The following SATB2 variants were observed in gnomAD, a reference collection of about 807,000 sequenced individuals.
The protein encoded by SATB2 is DNA-binding protein SATB2.
SATB2 carries 1 observed loss-of-function variant against 73.4 expected under a neutral mutation model. The ratio of observed to expected loss-of-function variants is 0.01; its 90% CI spans 0.00 to 0.06. The LOEUF (loss-of-function observed/expected upper bound fraction) is 0.06. Ranked by LOEUF, SATB2 falls within the 10% of genes least tolerant of loss-of-function variation. SATB2 has a pLI of 1.00. For missense variants in SATB2, 459 were observed against 945.8 expected (o/e 0.49, Z 6.75); for synonymous variants, 397 against 367.0 (o/e 1.08, Z -0.93).
intron 10 of SATB2, among the ~76,000 whole-genome samples, chr2:199,281,982 T>A (rs1037382584): frequency 6.6e-6 from 1 of 151,338 alleles, no homozygotes; most frequent in Non-Finnish European, 1.5e-5. Context: ...CCTGGGTTCA[T>A]GCCATTCTCC....
At chr2:199,339,068 T>C (rs530457394) in intron 7 of SATB2, among the ~76,000 whole-genome samples, 19 of 152,238 alleles carry the variant, frequency 1.2e-4, no homozygotes, top group South Asian at 4.1e-4. Flanking sequence ...GATTTAGAAG[T>C]GAGAGGAGAG....
At chr2:199,467,255 G>A (rs763197397), upstream of SATB2, among the ~76,000 whole-genome samples, 56 of 152,350 alleles carry the variant, frequency 3.7e-4, no homozygotes, top group Middle Eastern at 6.8e-3. Context: ...CTGCGGATTC[G>A]GCTTTCAGGC....
chr2:199,376,347 C>T (rs1229131664), intron 5 of SATB2, among the ~76,000 whole-genome samples: 1 of 152,200 alleles, frequency 6.6e-6, no homozygotes, highest in Non-Finnish European at 1.5e-5. Context: ...ACTTTACATA[C>T]TAATAAAACT....
intron 3 of SATB2, among the ~76,000 whole-genome samples, chr2:199,388,786 A>G (rs1690034126): frequency 6.6e-6 from 1 of 152,170 alleles, no homozygotes. Flanking sequence ...CAGCCTTAGA[A>G]GAACTAAGCC....
chr2:199,384,605 T>A (rs187455726), intron 3 of SATB2, among the ~76,000 whole-genome samples: 1 of 152,248 alleles, frequency 6.6e-6, no homozygotes, highest in Non-Finnish European at 1.5e-5. Context: ...CAAGTGTTAA[T>A]TGAGGAAATC....
intron 3 of SATB2, among the ~76,000 whole-genome samples, chr2:199,400,499 C>T (rs1277087897): frequency 2.6e-5 from 4 of 152,172 alleles, no homozygotes; most frequent in Admixed American, 2.0e-4. Flanking sequence ...TTAATCTTCA[C>T]ATTATTCCTT....
chr2:199,323,476 TACACACAC>T (rs1553546876), intron 9 of SATB2, among the ~76,000 whole-genome samples: 15 of 142,842 alleles, frequency 1.1e-4, no homozygotes, highest in African/African-American at 3.4e-4. Flanking sequence ...GTTTTGTTCA[TACACACAC>T]ACACACACAC....
intron 3 of SATB2, among the ~76,000 whole-genome samples, chr2:199,398,978 G>A (rs1690386502): frequency 6.6e-6 from 1 of 152,140 alleles, no homozygotes; most frequent in Non-Finnish European, 1.5e-5. Context: ...TAAAGATACA[G>A]GTAAGATTTA....
At chr2:199,305,961 A>G (rs569959134) in intron 10 of SATB2, among the ~76,000 whole-genome samples, 4 of 152,294 alleles carry the variant, frequency 2.6e-5, no homozygotes, top group African/African-American at 9.6e-5. Context: ...ACAATTTAAT[A>G]ATGGCACATT....
In SATB2 at chr2:199,269,775, A is replaced by G. The variant is rs1395956046; in HGVS notation, c.*2436T>C. The G allele has an allele frequency of 6.6e-6, 1 of 152,240 alleles. No homozygotes were observed. Among genetic ancestry groups the G allele is most frequent in the Non-Finnish European group, 1.5e-5 (1 of 67,954 alleles). The allele number at this position is 152,240 out of a possible 1,614,324, so 9.4% of individuals were successfully genotyped here. A position where few individuals can be genotyped will look rare whatever the true frequency, so the allele number is the denominator to read the frequency against. On this transcript the variant is annotated 3_prime_UTR_variant, in exon 11 of 11. Coordinates refer to ENST00000417098, the MANE Select transcript of SATB2 (RefSeq NM_001172509.2). ...AAGTTTCTTCTTCCAAATAGATATT[A>G]TATGACAGATATTGAATAAATAGAC... is the stretch of plus-strand genomic sequence containing the variant.
intron 10 of SATB2, among the ~76,000 whole-genome samples, chr2:199,283,266 A>AT (rs1177840717): frequency 1.3e-5 from 1 of 77,056 alleles, no homozygotes; most frequent in East Asian, 4.0e-4. Context: ...TTTTTTTTGT[A>AT]TTTTTTGTAG....
intron 3 of SATB2, among the ~76,000 whole-genome samples, chr2:199,394,290 T>C (rs1454831625): frequency 6.6e-6 from 1 of 151,972 alleles, no homozygotes; most frequent in Non-Finnish European, 1.5e-5. Flanking sequence ...ATGCTGAAAA[T>C]TGGGAGCAAG....
At chr2:199,360,605 A>C (rs1205288803) in intron 6 of SATB2, among the ~76,000 whole-genome samples, 1 of 151,164 alleles carries the variant, frequency 6.6e-6, no homozygotes, top group African/African-American at 2.4e-5. Flanking sequence ...CATCACTATT[A>C]CTCTTTCTTT....
chr2:199,288,979 T>C (rs935731854), intron 10 of SATB2, among the ~76,000 whole-genome samples: 5 of 152,228 alleles, frequency 3.3e-5, no homozygotes, highest in African/African-American at 9.6e-5. Context: ...AGACATAGCC[T>C]TTAGTTTTCA....
intron 6 of SATB2, among the ~76,000 whole-genome samples, chr2:199,351,183 CAG>C (rs1485900668): frequency 2.2e-5 from 3 of 135,880 alleles, no homozygotes; most frequent in Non-Finnish European, 3.1e-5. Context: ...TTTTTTAAGA[CAG>C]AGTTTCACTC....
chr2:199,375,702 T>C (rs1485526685), intron 5 of SATB2, among the ~76,000 whole-genome samples: 1 of 152,236 alleles, frequency 6.6e-6, no homozygotes, highest in Admixed American at 6.5e-5. Context: ...AGGAATCTTT[T>C]ACTCATGAGT....
chr2:199,447,507 C>T (rs1267003593), intron 2 of SATB2, among the ~76,000 whole-genome samples: 1 of 152,162 alleles, frequency 6.6e-6, no homozygotes, highest in Non-Finnish European at 1.5e-5. Context: ...CCCCATCTAA[C>T]CCTTACTTGG....
At chr2:199,349,257 C>T in intron 6 of SATB2, 84 bp from the exon 7 acceptor site, 1 of 1,080,152 alleles carries the variant, frequency 9.3e-7, no homozygotes, top group Non-Finnish European at 1.4e-6. Context: ...AATTATCATA[C>T]TTTTGGCATG....
At chr2:199,395,572 C>CA (rs568530817) in intron 3 of SATB2, among the ~76,000 whole-genome samples, 65 of 148,742 alleles carry the variant, frequency 4.4e-4, no homozygotes, top group African/African-American at 1.1e-3. Context: ...AGTAGACACT[C>CA]AAAAAAAAAT....
Sources: allele counts gnomAD v4.1 joint callset (sites outside exome capture counted in the v4.1 genomes callset), GRCh38; gene constraint gnomAD v4.1.1; transcripts MANE v1.5; gene names NCBI Gene and HGNC (gene_info 2026-07-23, HGNC 2026-07-21).